PTPRC: variants seen among roughly 807,000 people sequenced by gnomAD.
The protein encoded by PTPRC is receptor-type tyrosine-protein phosphatase C.
Under a neutral mutation model 155.9 loss-of-function variants are expected in PTPRC, and 44 were observed. The ratio of observed to expected loss-of-function variants is 0.28; its 90% CI spans 0.22 to 0.36. PTPRC has a LOEUF of 0.36. PTPRC is among the 10% of genes least tolerant of loss of function. The pLI is 1.00. For synonymous variants in PTPRC, 525 were observed against 533.1 expected, an observed-to-expected ratio of 0.98 and a Z score of 0.21; for missense variants, 1,401 against 1,564.6, an observed-to-expected ratio of 0.90 and a Z score of 1.76.
At chr1:198,750,735 A>C in intron 29 of PTPRC, 109 bp downstream of exon 29, 5 of 1,367,512 alleles carry the variant, frequency 3.7e-6, no homozygotes, top group Non-Finnish European at 5.2e-6. Context: ...TTATCCCTCC[A>C]TCACATAATT....
At chr1:198,680,253 G>C (rs2102327467) in intron 2 of PTPRC, among the ~76,000 whole-genome samples, 1 of 152,306 alleles carries the variant, frequency 6.6e-6, no homozygotes, top group Middle Eastern at 3.4e-3. Flanking sequence ...CGGAGTTCGA[G>C]ACCAGCCTGG....
At chr1:198,669,517 C>CT (rs1415254662) in intron 2 of PTPRC, among the ~76,000 whole-genome samples, 1 of 152,058 alleles carries the variant, frequency 6.6e-6, no homozygotes, top group Non-Finnish European at 1.5e-5. Flanking sequence ...TTTCCCTTCA[C>CT]TTTTTAAAGT....
At chr1:198,667,192 C>G (rs1301603905) in intron 2 of PTPRC, 1 of 152,148 alleles carries the variant, frequency 6.6e-6, no homozygotes, top group African/African-American at 2.4e-5. Flanking sequence ...GAAACCTTCC[C>G]CAGAAGCTTT....
At chr1:198,689,830 G>A (rs1255358648) in intron 2 of PTPRC, among the ~76,000 whole-genome samples, 1 of 152,040 alleles carries the variant, frequency 6.6e-6, no homozygotes, top group Non-Finnish European at 1.5e-5. Context: ...ATGTTGATGC[G>A]AGAAATTTTG....
At chr1:198,722,918 C>G (rs72738063) in intron 15 of PTPRC, among the ~76,000 whole-genome samples, 4,115 of 151,640 alleles carry the variant, frequency 0.027, 72 homozygotes, top group African/African-American at 0.052. Context: ...TAACAATATA[C>G]TTATGTAAAT....
In PTPRC at chr1:198,734,249, T is replaced by A; in HGVS notation, c.2179+17T>A. On this transcript the variant is annotated intron_variant, in intron 21 of 32. Transcript: ENST00000442510. ...CTGCACAAGGTAATTTCTTTGATAA[T>A]CCAATATTCTTTTTGAAAAATTTTT... is the stretch of plus-strand genomic sequence containing the variant. The A allele has an allele frequency of 6.2e-7, 1 of 1,610,524 alleles. No homozygotes were observed. Among genetic ancestry groups the A allele is most frequent in the Non-Finnish European group, 8.5e-7 (1 of 1,177,690 alleles).
chr1:198,677,283 G>A (rs1026106660), intron 2 of PTPRC, among the ~76,000 whole-genome samples: 2 of 152,060 alleles, frequency 1.3e-5, no homozygotes, highest in African/African-American at 4.8e-5. Context: ...AATAATTCCT[G>A]TCACCTGGGG....
chr1:198,742,108 T>C (rs1393473559), intron 24 of PTPRC, 82 bp downstream of exon 24: 1 of 1,602,260 alleles, frequency 6.2e-7, no homozygotes, highest in Admixed American at 1.7e-5. Flanking sequence ...TAGAGACATC[T>C]TTCCCTTTGG....
At chr1:198,724,676 T>TTC (rs59471727) in intron 15 of PTPRC, among the ~76,000 whole-genome samples, 2,292 of 148,624 alleles carry the variant, frequency 0.015, 38 homozygotes, top group African/African-American at 0.047. Context: ...TCCATCCTGA[T>TTC]TCTCTCTCTC....
chr1:198,651,460 A>G (rs976563746), intron 2 of PTPRC, among the ~76,000 whole-genome samples: 1 of 151,798 alleles, frequency 6.6e-6, no homozygotes, highest in African/African-American at 2.4e-5. Context: ...GCACATAAAT[A>G]GATATAAATC....
intron 16 of PTPRC, 118 bp downstream of exon 16, chr1:198,728,566 A>T (rs1654249245): frequency 8.2e-7 from 1 of 1,225,208 alleles, no homozygotes; most frequent in East Asian, 2.6e-5. Context: ...AGAAGACAGC[A>T]TACAGCCCAC....
intron 10 of PTPRC, 114 bp downstream of exon 10, chr1:198,708,375 C>G: frequency 9.7e-7 from 1 of 1,030,390 alleles, no homozygotes; most frequent in Non-Finnish European, 1.4e-6. Flanking sequence ...TCTTGTTCTC[C>G]CTCTGTTTGT....
At chr1:198,726,860 T>TCTTCTTCTTTTTCTTTTCTTTC (rs531005588) in intron 15 of PTPRC, among the ~76,000 whole-genome samples, 1,841 of 150,662 alleles carry the variant, frequency 0.012, 19 homozygotes, top group Non-Finnish European at 0.016. Flanking sequence ...TCTTTTCTTT[T>TCTTCTTCTTTTTCTTTTCTTTC]CTTTCCTTTT....
At chr1:198,736,858 GCTAT>G (rs1244377342) in intron 23 of PTPRC, among the ~76,000 whole-genome samples, 1 of 151,318 alleles carries the variant, frequency 6.6e-6, no homozygotes, top group Non-Finnish European at 1.5e-5. Flanking sequence ...TTCATTCTTG[GCTAT>G]CTTTTATATA....
At chr1:198,683,225 C>T (rs1437764007) in intron 2 of PTPRC, among the ~76,000 whole-genome samples, 1 of 152,126 alleles carries the variant, frequency 6.6e-6, no homozygotes, top group African/African-American at 2.4e-5. Flanking sequence ...AGGACAGTGC[C>T]ATTCACATAG....
At position 198,671,501 on chromosome 1, in the gene PTPRC, CT is replaced by C. The variant is rs577425210; in HGVS notation, c.74-20845del. On this transcript the variant is annotated intron_variant, in intron 2 of 32. Coordinates refer to ENST00000442510, the MANE Select transcript of PTPRC (RefSeq NM_002838.5). ...CCATTCTAGAACTTTGTCTCCTCTACTGTGATGCTATCATTTAGGGTGAAAT... is the reference window on the plus strand; with the variant it reads ...CCATTCTAGAACTTTGTCTCCTCTACGTGATGCTATCATTTAGGGTGAAAT... Among the ~76,000 whole-genome samples the C allele has an allele frequency of 8.5e-5, 13 of 152,294 alleles. No homozygotes were observed. In the South Asian group the frequency reaches 2.7e-3, roughly 32 times the overall value.
Position 198,654,266 on chromosome 1 carries a change from C to A in PTPRC, c.73+14925C>A, listed in dbSNP as rs181427577. On this transcript the variant is annotated intron_variant, in intron 2 of 32. Coordinates refer to ENST00000442510, the MANE Select transcript of PTPRC (RefSeq NM_002838.5). ...TGCTGTTAAAATGTCTAGAGGTTAA[C>A]AATAACAGTGGCACATGGGTCAGAT... Among the ~76,000 whole-genome samples the A allele has an allele frequency of 6.6e-5, 10 of 151,796 alleles. No homozygotes were observed. In the East Asian group the frequency reaches 7.7e-4, roughly 12 times the overall value.
chr1:198,695,022 G>A, intron 3 of PTPRC: 1 of 952,162 alleles, frequency 1.1e-6, no homozygotes, highest in Middle Eastern at 5.4e-4. Flanking sequence ...CACATAACAA[G>A]TCTATGATCA....
At chr1:198,672,935 A>G (rs1664731823) in intron 2 of PTPRC, among the ~76,000 whole-genome samples, 1 of 152,230 alleles carries the variant, frequency 6.6e-6, no homozygotes, top group East Asian at 1.9e-4. Flanking sequence ...GGATATTGTT[A>G]AAACTTCTCA....
Sources: allele counts gnomAD v4.1 joint callset (sites outside exome capture counted in the v4.1 genomes callset), GRCh38; gene constraint gnomAD v4.1.1; transcripts MANE v1.5; gene names NCBI Gene and HGNC (gene_info 2026-07-23, HGNC 2026-07-21).